EPHA4: variants seen among roughly 807,000 people sequenced by gnomAD.
EPHA4 encodes EPH receptor A4, also known as ephrin type-A receptor 4.
Under a neutral mutation model 108.3 loss-of-function variants are expected in EPHA4, and 19 were observed. The observed-to-expected ratio is 0.18, with a 90% CI of 0.12 to 0.26. The LOEUF (loss-of-function observed/expected upper bound fraction) is 0.26, where lower values mean the gene tolerates loss of function less well. Ranked by LOEUF, EPHA4 falls within the 10% of genes least tolerant of loss-of-function variation. The probability of loss-of-function intolerance (pLI) is 1.00; values close to 1 mark genes in which losing one functional copy is unlikely to be tolerated. For missense variants in EPHA4, 917 were observed against 1,254.0 expected (o/e 0.73, Z 4.06); for synonymous variants, 449 against 455.5 (o/e 0.99, Z 0.18).
chr2:221,525,946 A>T (rs1693310823), intron 3 of EPHA4, among the ~76,000 whole-genome samples: 1 of 152,212 alleles, frequency 6.6e-6, no homozygotes, highest in Non-Finnish European at 1.5e-5. Context: ...AGATAAAAAA[A>T]ATTGAGGTTT....
chr2:221,441,720 C>A (rs2106104714), intron 11 of EPHA4, among the ~76,000 whole-genome samples: 1 of 152,272 alleles, frequency 6.6e-6, no homozygotes, highest in African/African-American at 2.4e-5. Flanking sequence ...CAGGCTCCTG[C>A]AGGTGCTAAA....
chr2:221,505,189 A>G (rs1177107764), intron 3 of EPHA4, among the ~76,000 whole-genome samples: 1 of 152,234 alleles, frequency 6.6e-6, no homozygotes, highest in African/African-American at 2.4e-5. Flanking sequence ...TATAAAATAT[A>G]CACCAGATAC....
chr2:221,514,652 T>C (rs1330315648), intron 3 of EPHA4, among the ~76,000 whole-genome samples: 3 of 152,192 alleles, frequency 2.0e-5, no homozygotes, highest in Admixed American at 1.3e-4. Flanking sequence ...CTTCCATGTA[T>C]AAATTATAAA....
chr2:221,447,424 A>G (rs973472048), intron 8 of EPHA4, among the ~76,000 whole-genome samples: 4 of 152,196 alleles, frequency 2.6e-5, no homozygotes, highest in South Asian at 2.1e-4. Flanking sequence ...GATGATTACG[A>G]AAAAGAGAGA....
intron 1 of EPHA4, 126 bp from the exon 2 acceptor site, chr2:221,568,911 A>T: frequency 3.5e-6 from 2 of 567,830 alleles, no homozygotes; most frequent in Non-Finnish European, 5.9e-6. Context: ...CAAAACCTAA[A>T]CTTGGGCTCA....
intron 5 of EPHA4, among the ~76,000 whole-genome samples, chr2:221,461,622 C>G (rs888358721): frequency 6.6e-6 from 1 of 152,118 alleles, no homozygotes; most frequent in African/African-American, 2.4e-5. Context: ...ACTTAATGAG[C>G]ACCTATGGAA....
chr2:221,492,660 TAC>T (rs1373600137), intron 4 of EPHA4, among the ~76,000 whole-genome samples: 5 of 152,252 alleles, frequency 3.3e-5, no homozygotes, highest in Non-Finnish European at 7.3e-5. Flanking sequence ...GATGTTGAAC[TAC>T]TAAGCTCTAA....
Position 221,553,632 on chromosome 2 carries a change from C to A in EPHA4, c.823+10099G>T, listed in dbSNP as rs1694224021. Among the ~76,000 whole-genome samples, 3 of 152,208 alleles carry A rather than the reference C, an allele frequency of 2.0e-5. No individual in the cohort carries two copies. The South Asian group carries it at 6.2e-4, about 32-fold the overall frequency. ...CATTTGGCTTGGGCACAGGCAGCTT[C>A]ATTGGGGCAAACTGCTATTCACAGA... On this transcript the variant is annotated intron_variant, in intron 3 of 17. Coordinates refer to ENST00000281821, the MANE Select transcript of EPHA4 (RefSeq NM_004438.5).
intron 4 of EPHA4, among the ~76,000 whole-genome samples, chr2:221,492,372 T>A (rs142590571): frequency 2.9e-3 from 439 of 152,252 alleles, no homozygotes; most frequent in African/African-American, 9.4e-3. Context: ...AGCATTTTTT[T>A]AAAAAGAATT....
chr2:221,510,188 A>T (rs1692784707), intron 3 of EPHA4, among the ~76,000 whole-genome samples: 1 of 152,212 alleles, frequency 6.6e-6, no homozygotes, highest in Non-Finnish European at 1.5e-5. Context: ...CTATGGGATA[A>T]CTTCTTCATT....
rs199523806 is a variant in EPHA4, at chr2:221,465,985, TG to T, written c.1319-7996del. Reference sequence around the variant, plus strand: ...GTTTTGCAGCTTCCTGAAAGGCCTTTGGGTTCCCTCCCGGAAACTCCAGCTG... The same window carrying T: ...GTTTTGCAGCTTCCTGAAAGGCCTTTGGTTCCCTCCCGGAAACTCCAGCTG... On this transcript the variant is annotated intron_variant, in intron 5 of 17. Transcript: ENST00000281821. 2.8e-4 allele frequency among the ~76,000 whole-genome samples: 43 copies of T among 152,288 alleles called. 1 individual carries two copies. In the East Asian group the frequency reaches 7.8e-3, roughly 27 times the overall value.
At chr2:221,520,108 T>C (rs904205907) in intron 3 of EPHA4, among the ~76,000 whole-genome samples, 23 of 152,110 alleles carry the variant, frequency 1.5e-4, no homozygotes, top group African/African-American at 5.6e-4. Flanking sequence ...CATTCCTGTA[T>C]TGAAAATCTC....
chr2:221,541,244 C>G (rs558860467), intron 3 of EPHA4, among the ~76,000 whole-genome samples: 14 of 152,244 alleles, frequency 9.2e-5, no homozygotes, highest in African/African-American at 3.1e-4. Context: ...GCCACTTTGC[C>G]TGGACTGAGA....
In EPHA4 at chr2:221,418,048, C is replaced by G. The variant is rs1466345020; in HGVS notation, c.*3324G>C. ...CAGATTGCAGGGTTGTATACGGCAA[C>G]TACTTTATTATTTTCAAATGCAAAC... On this transcript the variant is annotated 3_prime_UTR_variant, in exon 18 of 18. Transcript: ENST00000281821. 1.3e-5 allele frequency: 2 copies of G among 152,570 alleles called. No individual in the cohort carries two copies. The highest frequency in any genetic ancestry group is 4.8e-5 in the African/African-American group (2 of 41,434). 9.5% of individuals were successfully genotyped at this position (152,570 alleles called of 1,614,324 possible). A position where few individuals can be genotyped will look rare whatever the true frequency, so the allele number is the denominator to read the frequency against.
chr2:221,443,655 A>G, intron 9 of EPHA4, 49 bp from the exon 10 acceptor site: 1 of 1,306,644 alleles, frequency 7.7e-7, no homozygotes, highest in Non-Finnish European at 1.1e-6. Flanking sequence ...AGGAACCACT[A>G]ATAAACATAA....
chr2:221,568,687 C>T (rs1176779565), intron 2 of EPHA4, 31 bp downstream of exon 2: 1 of 1,588,622 alleles, frequency 6.3e-7, no homozygotes, highest in Non-Finnish European at 8.6e-7. Flanking sequence ...CCTTTTTTAC[C>T]CTTTGGATCA....
At chr2:221,440,974 G>C (rs1690406176) in intron 11 of EPHA4, among the ~76,000 whole-genome samples, 1 of 152,040 alleles carries the variant, frequency 6.6e-6, no homozygotes, top group South Asian at 2.1e-4. Context: ...AAACTTACGG[G>C]CCGCACACCA....
Position 221,457,945 on chromosome 2 carries a change from T to C in EPHA4, c.1364A>G (p.Tyr455Cys), listed in dbSNP as rs768014459. 6.2e-7 allele frequency: 1 copy of C among 1,613,844 alleles called. No individual in the cohort carries two copies. The highest frequency in any genetic ancestry group is 1.1e-5 in the South Asian group (1 of 91,060). The change falls in exon 6 of 18, where the codon TAC becomes TGC. Residue 455 changes from tyrosine to cysteine, a missense_variant. Tyr to Cys is a radical substitution (Grantham distance 194, BLOSUM62 -2). Around this residue, in one of 3 missense-constraint regions of EPHA4, gnomAD observed 758 missense variants for 1,076.7 expected, o/e 0.70. Transcript: ENST00000281821. ...ALVQAKEVTR[Y>C]SVALAWLEPD... is the part of the protein sequence containing the mutation. ...TTCCAGCCAAGCCAGTGCCACACTG[T>C]ATCTTGTGACTTCTTTAGCCTGGAC...
rs369441515 is a variant in EPHA4 at position 221,568,688 on chromosome 2, C to G, written c.159+30G>C. On this transcript the variant is annotated intron_variant, in intron 2 of 17. Transcript: ENST00000281821. ...AGTTGCTAATCACTCCTTTTTTACC[C>G]TTTGGATCAGAGAGCAACTCAGGAC... 2.1e-5 allele frequency: 34 copies of G among 1,595,882 alleles called. No individual in the cohort carries two copies. The African/African-American group carries it at 4.0e-4, about 19-fold the overall frequency.
Sources: gnomAD v4.1 joint callset for allele counts (sites outside exome capture counted in the v4.1 genomes callset) on GRCh38, gnomAD v4.1.1 for gene constraint, gnomAD v4.1.1 regional missense constraint, MANE v1.5 for transcripts, NCBI Gene and HGNC (gene_info 2026-07-23, HGNC 2026-07-21) for gene names.